Variants in IQCM observed in about 807,000 individuals in gnomAD.
The protein encoded by IQCM is IQ domain-containing protein M.
IQCM carries 45 observed loss-of-function variants against 57.6 expected under a neutral mutation model. The ratio of observed to expected loss-of-function variants is 0.78; its 90% CI spans 0.62 to 1.00. The LOEUF (loss-of-function observed/expected upper bound fraction) is 1.00. Among genes scored for constraint, IQCM ranks in the 50% least tolerant of loss-of-function variants. The pLI, the probability that IQCM is intolerant of heterozygous loss-of-function variation, is 0.00. For synonymous variants in IQCM, 148 were observed against 158.9 expected, an observed-to-expected ratio of 0.93 and a Z score of 0.51; for missense variants, 468 against 511.6, an observed-to-expected ratio of 0.91 and a Z score of 0.82.
intron 2 of IQCM, among the ~76,000 whole-genome samples, chr4:149,810,009 T>C (rs1418111645): frequency 7.0e-6 from 1 of 142,164 alleles, no homozygotes; most frequent in Non-Finnish European, 1.5e-5. Context: ...TCTCTCTCTG[T>C]AGATATACAG....
chr4:149,607,558 A>G (rs1226289466), intron 8 of IQCM, among the ~76,000 whole-genome samples: 2 of 152,068 alleles, frequency 1.3e-5, no homozygotes, highest in Non-Finnish European at 2.9e-5. Context: ...AGACAAATAT[A>G]ACAAAAATAA....
intron 7 of IQCM, among the ~76,000 whole-genome samples, chr4:149,646,634 T>C (rs185162221): frequency 9.2e-5 from 14 of 152,332 alleles, no homozygotes; most frequent in Middle Eastern, 3.4e-3. Flanking sequence ...TTGATTTCCA[T>C]ACGCTGAAGT....
intron 7 of IQCM, among the ~76,000 whole-genome samples, chr4:149,623,267 T>C (rs892487584): frequency 2.0e-5 from 3 of 152,208 alleles, no homozygotes; most frequent in Non-Finnish European, 2.9e-5. Context: ...TTCTTGATCA[T>C]TGAAGAGTCC....
chr4:149,716,910 A>T (rs958350002), intron 5 of IQCM, among the ~76,000 whole-genome samples: 2 of 152,142 alleles, frequency 1.3e-5, no homozygotes, highest in Non-Finnish European at 2.9e-5. Context: ...GCCTCCACAA[A>T]AATCCCTGAA....
chr4:149,500,035 TC>T (rs1234831417), intron 12 of IQCM, among the ~76,000 whole-genome samples: 1 of 152,208 alleles, frequency 6.6e-6, no homozygotes, highest in African/African-American at 2.4e-5. Flanking sequence ...TAGCAGACCT[TC>T]CAGCTGTCTC....
intron 7 of IQCM, among the ~76,000 whole-genome samples, chr4:149,625,918 T>C (rs1055763673): frequency 6.6e-6 from 1 of 152,214 alleles, no homozygotes; most frequent in Non-Finnish European, 1.5e-5. Context: ...TTAATACTCA[T>C]GGATACCATT....
chr4:149,376,060 T>A (rs1730680941), intron 13 of IQCM, among the ~76,000 whole-genome samples: 3 of 152,078 alleles, frequency 2.0e-5, no homozygotes, highest in African/African-American at 7.2e-5. Context: ...TGTAACCACC[T>A]CAAAAGAAGA....
chr4:149,784,534 G>GCCTCC (rs1450113738), intron 2 of IQCM, among the ~76,000 whole-genome samples: 3 of 152,294 alleles, frequency 2.0e-5, no homozygotes, highest in Non-Finnish European at 2.9e-5. Flanking sequence ...TCCTGCCTCA[G>GCCTCC]CCTCCCGAGT....
At chr4:149,353,328 T>C (rs535133927) in intron 13 of IQCM, among the ~76,000 whole-genome samples, 3 of 152,258 alleles carry the variant, frequency 2.0e-5, no homozygotes, top group African/African-American at 7.2e-5. Context: ...TTATACACTA[T>C]TGGTGGGAAT....
At chr4:149,734,967 T>A (rs991493245) in intron 4 of IQCM, among the ~76,000 whole-genome samples, 7 of 152,168 alleles carry the variant, frequency 4.6e-5, no homozygotes, top group Non-Finnish European at 1.0e-4. Context: ...AAAAGATACA[T>A]GGAATATAAT....
At chr4:149,668,096 G>A (rs764241872) in intron 7 of IQCM, among the ~76,000 whole-genome samples, 2 of 152,036 alleles carry the variant, frequency 1.3e-5, no homozygotes, top group Non-Finnish European at 2.9e-5. Flanking sequence ...GATATTTCTC[G>A]AGAAGAGCAA....
intron 7 of IQCM, among the ~76,000 whole-genome samples, chr4:149,622,825 A>C (rs2150076657): frequency 6.6e-6 from 1 of 151,780 alleles, no homozygotes; most frequent in African/African-American, 2.4e-5. Context: ...TGACCTACCC[A>C]CTCCCCTTAA....
intron 7 of IQCM, among the ~76,000 whole-genome samples, chr4:149,677,909 G>A (rs1010272544): frequency 1.3e-5 from 2 of 151,746 alleles, no homozygotes; most frequent in Admixed American, 6.6e-5. Flanking sequence ...TTCATTAGAA[G>A]CTCTCAACAG....
At chr4:149,611,853 AC>A (rs1755323517) in intron 8 of IQCM, among the ~76,000 whole-genome samples, 1 of 151,762 alleles carries the variant, frequency 6.6e-6, no homozygotes, top group Admixed American at 6.6e-5. Context: ...AATGTTCCTA[AC>A]ATAAAGAAAT....
rs557196332 is a variant in IQCM at position 149,753,937 on chromosome 4, C to T, written c.-48-11198G>A. The stretch of plus-strand genomic sequence containing the variant: ...CCAAGAAAGAATAAAAATAAATCCA[C>T]ACCCAGACACTTCCTAGTGAGTATC... On this transcript the variant is annotated intron_variant, in intron 2 of 13. Coordinates refer to ENST00000636793, the MANE Select transcript of IQCM (RefSeq NM_001363507.2). 5.9e-5 allele frequency among the ~76,000 whole-genome samples: 9 copies of T among 152,054 alleles called. No individual in the cohort carries two copies. The South Asian group carries it at 1.9e-3, about 32-fold the overall frequency.
chr4:149,504,709 T>A (rs1158753848), intron 12 of IQCM, among the ~76,000 whole-genome samples: 1 of 151,772 alleles, frequency 6.6e-6, no homozygotes, highest in Non-Finnish European at 1.5e-5. Flanking sequence ...AGGCCAGGAG[T>A]TCAAGACCAG....
At chr4:149,400,337 A>C (rs184064941) in intron 13 of IQCM, among the ~76,000 whole-genome samples, 16 of 152,122 alleles carry the variant, frequency 1.1e-4, no homozygotes, top group African/African-American at 3.9e-4. Flanking sequence ...AAGCCTTAAA[A>C]GTTAAAGGTG....
chr4:149,805,714 T>G (rs1217638357), intron 2 of IQCM, among the ~76,000 whole-genome samples: 1 of 152,028 alleles, frequency 6.6e-6, no homozygotes, highest in Non-Finnish European at 1.5e-5. Context: ...TGGTTAAATA[T>G]TTCCAATTTC....
At chr4:149,591,914 C>T (rs924109819) in intron 8 of IQCM, among the ~76,000 whole-genome samples, 13 of 152,088 alleles carry the variant, frequency 8.5e-5, no homozygotes, top group African/African-American at 1.7e-4. Flanking sequence ...AATAAACATA[C>T]GTGTACATGT....
Sources: allele counts gnomAD v4.1 joint callset (sites outside exome capture counted in the v4.1 genomes callset), GRCh38; gene constraint gnomAD v4.1.1; transcripts MANE v1.5; gene names NCBI Gene and HGNC (gene_info 2026-07-23, HGNC 2026-07-21).